The following SCHIP1 variants were observed in gnomAD, a reference collection of about 807,000 sequenced individuals.
SCHIP1 encodes schwannomin interacting protein 1, also known as schwannomin-interacting protein 1.
Under a neutral mutation model 29.7 loss-of-function variants are expected in SCHIP1, and 8 were observed. The observed-to-expected ratio is 0.27, with a 90% CI of 0.16 to 0.49. The LOEUF (loss-of-function observed/expected upper bound fraction) is 0.49. SCHIP1 is among the 20% of genes least tolerant of loss of function. The pLI is 0.99. For synonymous variants in SCHIP1, 76 were observed against 94.9 expected (o/e 0.80, Z 1.16); for missense variants, 193 against 294.6 (o/e 0.66, Z 2.52).
the SCHIP1 span, among the ~76,000 whole-genome samples, chr3:159,552,768 G>C: frequency 6.6e-6 from 1 of 152,166 alleles, no homozygotes; most frequent in Non-Finnish European, 1.5e-5. Flanking sequence ...TTATAAAGTA[G>C]TGTTAAAATT....
chr3:159,640,886 G>A, the SCHIP1 span, among the ~76,000 whole-genome samples: 39 of 152,292 alleles, frequency 2.6e-4, no homozygotes, highest in African/African-American at 9.1e-4. Context: ...CAGCTCTGAA[G>A]CAGTTCTTGC....
At chr3:159,683,297 C>A in the SCHIP1 span, among the ~76,000 whole-genome samples, 1 of 152,026 alleles carries the variant, frequency 6.6e-6, no homozygotes, top group Non-Finnish European at 1.5e-5. Flanking sequence ...AGTGATCTGC[C>A]CACCTCAACC....
At chr3:159,595,760 C>G in the SCHIP1 span, among the ~76,000 whole-genome samples, 1 of 152,132 alleles carries the variant, frequency 6.6e-6, no homozygotes, top group African/African-American at 2.4e-5. Context: ...TTGGCATCTA[C>G]CATGAAAATG....
the SCHIP1 span, among the ~76,000 whole-genome samples, chr3:159,383,541 T>C: frequency 6.6e-6 from 1 of 150,800 alleles, no homozygotes; most frequent in Admixed American, 6.6e-5. Context: ...TCAGGTAGTG[T>C]GATGCCTCCA....
At chr3:159,567,655 T>A in the SCHIP1 span, among the ~76,000 whole-genome samples, 1 of 152,176 alleles carries the variant, frequency 6.6e-6, no homozygotes, top group Non-Finnish European at 1.5e-5. Flanking sequence ...TAGTACTACA[T>A]CATCTTAATT....
chr3:159,878,783 A>T (rs181241726), intron 2 of SCHIP1, among the ~76,000 whole-genome samples: 209 of 150,866 alleles, frequency 1.4e-3, no homozygotes, highest in African/African-American at 4.2e-3. Flanking sequence ...GTCTCAAAAA[A>T]AAAATAAAAT....
At chr3:159,495,709 T>C in the SCHIP1 span, among the ~76,000 whole-genome samples, 1 of 152,294 alleles carries the variant, frequency 6.6e-6, no homozygotes, top group East Asian at 1.9e-4. Flanking sequence ...TTCAATGCCA[T>C]CCCTATCAAG....
At chr3:159,395,208 CTTTT>C in the SCHIP1 span, among the ~76,000 whole-genome samples, 1 of 151,978 alleles carries the variant, frequency 6.6e-6, no homozygotes, top group Non-Finnish European at 1.5e-5. Flanking sequence ...ATTCTTCTCT[CTTTT>C]TTTCTTTATT....
the SCHIP1 span, among the ~76,000 whole-genome samples, chr3:159,349,583 TC>T: frequency 6.6e-6 from 1 of 152,162 alleles, no homozygotes; most frequent in African/African-American, 2.4e-5. Flanking sequence ...ATATAAGGTG[TC>T]CCTACTACAA....
At chr3:159,403,520 G>T in the SCHIP1 span, among the ~76,000 whole-genome samples, 93 of 152,166 alleles carry the variant, frequency 6.1e-4, 7 homozygotes, top group Non-Finnish European at 1.5e-5. Context: ...ACTTCGCATT[G>T]GAACTCTGTG....
chr3:159,797,226 A>C, the SCHIP1 span, among the ~76,000 whole-genome samples: 1 of 152,244 alleles, frequency 6.6e-6, no homozygotes, highest in Non-Finnish European at 1.5e-5. Flanking sequence ...AACAGTATCT[A>C]GCACATCACT....
chr3:159,445,612 G>T, the SCHIP1 span, among the ~76,000 whole-genome samples: 1 of 152,058 alleles, frequency 6.6e-6, no homozygotes, highest in Non-Finnish European at 1.5e-5. Context: ...CAATAGCAAA[G>T]ACTTGGAACC....
chr3:159,621,918 G>T, the SCHIP1 span, among the ~76,000 whole-genome samples: 3 of 152,068 alleles, frequency 2.0e-5, no homozygotes, highest in East Asian at 1.9e-4. Flanking sequence ...TGCCTGCCTC[G>T]GCCTCCCAAA....
the SCHIP1 span, among the ~76,000 whole-genome samples, chr3:159,476,688 C>A: frequency 6.6e-6 from 1 of 151,976 alleles, no homozygotes; most frequent in South Asian, 2.1e-4. Context: ...TATTTTTAAT[C>A]GGCAAATCAT....
the SCHIP1 span, among the ~76,000 whole-genome samples, chr3:159,745,634 T>C: frequency 6.6e-6 from 1 of 152,256 alleles, no homozygotes; most frequent in Non-Finnish European, 1.5e-5. Context: ...GCTTATGTCA[T>C]TGATGCTTTA....
chr3:159,533,467 T>C, the SCHIP1 span, among the ~76,000 whole-genome samples: 2 of 152,162 alleles, frequency 1.3e-5, no homozygotes, highest in Non-Finnish European at 2.9e-5. Context: ...GGTGCTTTAA[T>C]ACATTATTTT....
intron 2 of SCHIP1, among the ~76,000 whole-genome samples, chr3:159,870,594 A>T (rs1715153310): frequency 6.6e-6 from 1 of 152,036 alleles, no homozygotes; most frequent in African/African-American, 2.4e-5. Flanking sequence ...GTGGTTAGGG[A>T]GTATTATATT....
the SCHIP1 span, among the ~76,000 whole-genome samples, chr3:159,294,301 G>A: frequency 1.3e-5 from 2 of 152,096 alleles, no homozygotes; most frequent in African/African-American, 2.4e-5. Flanking sequence ...TGTCTGTGTG[G>A]TTCCATCTCT....
the SCHIP1 span, among the ~76,000 whole-genome samples, chr3:159,469,473 G>A: frequency 6.6e-6 from 1 of 152,110 alleles, no homozygotes; most frequent in South Asian, 2.1e-4. Context: ...ACTCTCCTGA[G>A]AAGGTAGCTG....
Sources: allele counts gnomAD v4.1 joint callset (sites outside exome capture counted in the v4.1 genomes callset), GRCh38; gene constraint gnomAD v4.1.1; transcripts MANE v1.5; gene names NCBI Gene and HGNC (gene_info 2026-07-23, HGNC 2026-07-21).